The following EXOC2 variants were observed in gnomAD, a reference collection of about 807,000 sequenced individuals.
EXOC2 encodes SEC5-like 1.
In EXOC2, 70 loss-of-function variants were observed where a neutral mutation model predicts 131.8. The ratio of observed to expected loss-of-function variants is 0.53; its 90% CI spans 0.44 to 0.65. The LOEUF is 0.65. EXOC2 is among the 30% of genes least tolerant of loss of function. EXOC2 has a pLI of 0.00. For missense variants in EXOC2, 923 were observed against 1,108.6 expected, an observed-to-expected ratio of 0.83 and a Z score of 2.38; for synonymous variants, 411 against 398.4, an observed-to-expected ratio of 1.03 and a Z score of -0.38.
intron 13 of EXOC2, among the ~76,000 whole-genome samples, chr6:569,919 G>A (rs1379309522): frequency 6.6e-6 from 1 of 152,114 alleles, no homozygotes; most frequent in Non-Finnish European, 1.5e-5. Context: ...TGTTTGGTAT[G>A]TAATCTGTAA....
chr6:488,268 G>C (rs1458813274), intron 27 of EXOC2, among the ~76,000 whole-genome samples: 1 of 152,230 alleles, frequency 6.6e-6, no homozygotes, highest in African/African-American at 2.4e-5. Context: ...CACGGTGCCA[G>C]CATTTCAGTC....
chr6:622,218 C>T (rs909453857), intron 4 of EXOC2, among the ~76,000 whole-genome samples: 2 of 152,200 alleles, frequency 1.3e-5, no homozygotes, highest in Non-Finnish European at 2.9e-5. Context: ...GTGTCTCACA[C>T]TTCACTTGGT....
At position 623,472 on chromosome 6, in the gene EXOC2, C is replaced by G. The variant is rs555335077; in HGVS notation, c.423-3929G>C. On this transcript the variant is annotated intron_variant, in intron 4 of 27. Transcript: ENST00000230449. ...ATGTATTGAGACTTATAGCAGAAAT[C>G]AGCCTTACAAGAACAAGACAGACAT... Among the ~76,000 whole-genome samples the G allele has an allele frequency of 1.8e-4, 27 of 152,324 alleles. No individual in the cohort carries two copies. In the South Asian group the frequency reaches 5.4e-3, roughly 30 times the overall value.
rs531982166 is a variant in EXOC2 at position 607,391 on chromosome 6, C to A, written c.742+2707G>T. Among the ~76,000 whole-genome samples, 590 of 152,310 alleles carry A rather than the reference C, an allele frequency of 3.9e-3. 4 individuals carry two copies. The highest frequency in any genetic ancestry group is 0.019 in the South Asian group (92 of 4,816). On this transcript the variant is annotated intron_variant, in intron 7 of 27. Coordinates refer to ENST00000230449, the MANE Select transcript of EXOC2 (RefSeq NM_018303.6). Reference sequence around the variant, plus strand: ...CATCAATAAAGCGAAGATAACAGCACAAACCTCAAAGTGTTGTTGTGAGGA... The same window carrying A: ...CATCAATAAAGCGAAGATAACAGCAAAAACCTCAAAGTGTTGTTGTGAGGA...
At chr6:646,328 T>TG (rs1762578208) in intron 1 of EXOC2, among the ~76,000 whole-genome samples, 1 of 147,320 alleles carries the variant, frequency 6.8e-6, no homozygotes, top group South Asian at 2.2e-4. Flanking sequence ...GACAGACAGA[T>TG]GGACAGAATG....
At chr6:559,024 T>C (rs1260639641) in intron 17 of EXOC2, among the ~76,000 whole-genome samples, 1 of 152,224 alleles carries the variant, frequency 6.6e-6, no homozygotes, top group Non-Finnish European at 1.5e-5. Context: ...TCACTATTTC[T>C]TTTTTCTCAA....
intron 23 of EXOC2, among the ~76,000 whole-genome samples, chr6:521,653 A>C (rs920479943): frequency 2.0e-5 from 3 of 151,734 alleles, no homozygotes; most frequent in Non-Finnish European, 4.4e-5. Flanking sequence ...CAGCCTCCTG[A>C]GTAGCTGGGA....
chr6:673,252 C>CAAAAAAAAAAAAA (rs56189394), intron 1 of EXOC2, among the ~76,000 whole-genome samples: 95 of 64,246 alleles, frequency 1.5e-3, no homozygotes, highest in Non-Finnish European at 1.9e-3. Flanking sequence ...ACTCCATAGC[C>CAAAAAAAAAAAAA]AAAAAAAAAA....
rs532600828 is a variant in EXOC2, at chr6:610,157, G to A, written c.683C>T (p.Ala228Val). The change falls in exon 7 of 28, where the codon GCA becomes GTA. Residue 228 changes from alanine (A) to valine (V), a missense_variant. Physicochemically the swap from Ala to Val is moderately conservative, Grantham distance 64 (BLOSUM62 0). Coordinates refer to ENST00000230449, the MANE Select transcript of EXOC2 (RefSeq NM_018303.6). ...TCCTTCTACTTTTTCCGTTCCATCT[G>A]CTTCTAGTTTTTGATGGATGGCTAG... ...ALSAIHQKLE[A>V]DGTEKVEGSM... 40 of 1,613,790 alleles carry A rather than the reference G, an allele frequency of 2.5e-5. No individual in the cohort carries two copies. The East Asian group carries it at 8.5e-4, about 34-fold the overall frequency.
intron 22 of EXOC2, among the ~76,000 whole-genome samples, chr6:540,759 T>C (rs1766767629): frequency 1.3e-5 from 2 of 152,070 alleles, no homozygotes. Flanking sequence ...TTTGAAGAGA[T>C]AATGGCTTAG....
intron 1 of EXOC2, among the ~76,000 whole-genome samples, chr6:640,782 C>T (rs1029766096): frequency 1.3e-5 from 2 of 152,110 alleles, no homozygotes; most frequent in Non-Finnish European, 1.5e-5. Flanking sequence ...TCATCTCAGA[C>T]TTCTAGCTTC....
chr6:657,104 G>T, intron 1 of EXOC2: 1 of 555,950 alleles, frequency 1.8e-6, no homozygotes, highest in Non-Finnish European at 3.0e-6. Context: ...GGGTTCTGTT[G>T]TGGGTTCCGC....
intron 1 of EXOC2, chr6:670,253 C>T (rs1471005100): frequency 6.6e-6 from 1 of 152,258 alleles, no homozygotes; most frequent in Non-Finnish European, 1.5e-5. Context: ...AGCATCCACA[C>T]AAGCAGGTTC....
chr6:539,493 C>A (rs1198405987), intron 22 of EXOC2, among the ~76,000 whole-genome samples: 1 of 152,178 alleles, frequency 6.6e-6, no homozygotes, highest in Admixed American at 6.5e-5. Context: ...ACGCACCAGG[C>A]ACTGATGCCA....
intron 21 of EXOC2, among the ~76,000 whole-genome samples, chr6:549,796 T>G (rs1757050449): frequency 6.6e-6 from 1 of 152,222 alleles, no homozygotes; most frequent in Non-Finnish European, 1.5e-5. Flanking sequence ...TTAAATACCT[T>G]AGGGCATTAA....
At chr6:556,043 T>C in intron 18 of EXOC2, 30 bp from the exon 19 acceptor site, 1 of 1,607,920 alleles carries the variant, frequency 6.2e-7, no homozygotes, top group South Asian at 1.1e-5. Context: ...TGAAAATTTT[T>C]GGACTTTGCT....
intron 1 of EXOC2, among the ~76,000 whole-genome samples, chr6:653,190 C>A (rs1162447358): frequency 6.6e-6 from 1 of 152,208 alleles, no homozygotes; most frequent in Non-Finnish European, 1.5e-5. Flanking sequence ...TAGGCCAATT[C>A]ATAATCCTAC....
At chr6:572,330 A>G (rs2281252) in intron 13 of EXOC2, among the ~76,000 whole-genome samples, 190 bp downstream of exon 13, 11,548 of 152,278 alleles carry the variant, frequency 0.076, 825 homozygotes, top group East Asian at 0.38. Flanking sequence ...TACATGAGGA[A>G]AAGTGACTTG....
intron 15 of EXOC2, 96 bp downstream of exon 15, chr6:564,449 A>G: frequency 1.3e-6 from 2 of 1,510,686 alleles, no homozygotes; most frequent in South Asian, 2.4e-5. Flanking sequence ...AAAAGAAGAA[A>G]AAGAAGAATT....
Sources: gnomAD v4.1 joint callset for allele counts (sites outside exome capture counted in the v4.1 genomes callset) on GRCh38, gnomAD v4.1.1 for gene constraint, MANE v1.5 for transcripts, NCBI Gene and HGNC (gene_info 2026-07-23, HGNC 2026-07-21) for gene names.